The following COL13A1 variants were observed in gnomAD, a reference collection of about 807,000 sequenced individuals.
The protein encoded by COL13A1 is collagen type XIII alpha 1 chain.
In COL13A1, 89 loss-of-function variants were observed where a neutral mutation model predicts 130.9. The ratio of observed to expected loss-of-function variants is 0.68; its 90% CI spans 0.57 to 0.81. The LOEUF (loss-of-function observed/expected upper bound fraction) is 0.81. Ranked by LOEUF, COL13A1 falls within the 30% of genes least tolerant of loss-of-function variation. COL13A1 has a pLI of 0.00. For synonymous variants in COL13A1, 402 were observed against 341.6 expected (o/e 1.18, Z -1.95); for missense variants, 879 against 934.6 (o/e 0.94, Z 0.78).
rs541744867 is a variant in COL13A1 at position 69,804,615 on chromosome 10, C to G, written c.294+1898C>G. 2.7e-5 allele frequency among the ~76,000 whole-genome samples: 4 copies of G among 150,440 alleles called. No homozygotes were observed. The East Asian group carries it at 7.9e-4, about 30-fold the overall frequency. ...GGACTAGAACCTCAGCCTCCTGGCCCTGTATACAATGTTCTTTGCGCTGTA... is the reference window on the plus strand; with the variant it reads ...GGACTAGAACCTCAGCCTCCTGGCCGTGTATACAATGTTCTTTGCGCTGTA... On this transcript the variant is annotated intron_variant, in intron 1 of 40. Transcript: ENST00000645393.
intron 33 of COL13A1, among the ~76,000 whole-genome samples, chr10:69,937,032 A>C (rs1048596977): frequency 2.6e-5 from 4 of 152,190 alleles, no homozygotes; most frequent in Non-Finnish European, 5.9e-5. Flanking sequence ...CCAATGGTTA[A>C]AATCCTTTTC....
chr10:69,884,562 G>C (rs1156616827), intron 7 of COL13A1, among the ~76,000 whole-genome samples: 1 of 152,142 alleles, frequency 6.6e-6, no homozygotes. Context: ...AGACATAGGG[G>C]TCTGCTTTCA....
intron 2 of COL13A1, among the ~76,000 whole-genome samples, chr10:69,840,163 AGGCTTCTT>A (rs1353203515): frequency 1.3e-5 from 2 of 152,130 alleles, no homozygotes; most frequent in African/African-American, 4.8e-5. Flanking sequence ...GCAGAGCTGA[AGGCTTCTT>A]GACTTGAGCT....
intron 24 of COL13A1, 80 bp from the exon 25 acceptor site, chr10:69,924,883 T>C: frequency 7.1e-7 from 1 of 1,406,496 alleles, no homozygotes. Flanking sequence ...TCCTGGCCCT[T>C]ATCACATGGC....
intron 2 of COL13A1, among the ~76,000 whole-genome samples, chr10:69,841,853 G>A (rs1430286519): frequency 6.6e-6 from 1 of 152,222 alleles, no homozygotes; most frequent in Non-Finnish European, 1.5e-5. Context: ...AGGAACTGAG[G>A]CAGGAGCAGT....
intron 1 of COL13A1, among the ~76,000 whole-genome samples, chr10:69,819,228 A>G (rs949627117): frequency 4.6e-5 from 7 of 152,244 alleles, no homozygotes; most frequent in African/African-American, 7.2e-5. Context: ...CCTGGATTAT[A>G]CAATGGGGCT....
chr10:69,958,482 C>CA (rs1205394380), intron 40 of COL13A1, among the ~76,000 whole-genome samples: 1 of 152,168 alleles, frequency 6.6e-6, no homozygotes, highest in Non-Finnish European at 1.5e-5. Context: ...CTAGTGACCA[C>CA]AAAGGGGATT....
At chr10:69,875,999 G>A (rs1434575509) in intron 5 of COL13A1, among the ~76,000 whole-genome samples, 1 of 152,240 alleles carries the variant, frequency 6.6e-6, no homozygotes, top group Non-Finnish European at 1.5e-5. Flanking sequence ...ATTGGCTGTA[G>A]GAGTGGGTGT....
intron 2 of COL13A1, among the ~76,000 whole-genome samples, chr10:69,848,946 G>A (rs1026090247): frequency 1.3e-5 from 2 of 152,116 alleles, no homozygotes; most frequent in Admixed American, 1.3e-4. Context: ...TGTCCCCATG[G>A]GATTTCCTGC....
intron 30 of COL13A1, chr10:69,931,056 C>T (rs916370659): frequency 2.5e-6 from 1 of 403,292 alleles, no homozygotes; most frequent in Non-Finnish European, 5.1e-6. Flanking sequence ...ATCCTAGACA[C>T]CTACCCTTGG....
At chr10:69,858,524 C>T (rs1218430925) in intron 2 of COL13A1, among the ~76,000 whole-genome samples, 1 of 152,180 alleles carries the variant, frequency 6.6e-6, no homozygotes, top group Non-Finnish European at 1.5e-5. Context: ...CCCATTCCTT[C>T]TAAGTAAAAG....
intron 2 of COL13A1, among the ~76,000 whole-genome samples, chr10:69,837,608 G>A (rs367861013): frequency 9.2e-5 from 14 of 152,170 alleles, no homozygotes; most frequent in East Asian, 7.7e-4. Context: ...CCTCTTCTGC[G>A]CTTACCCTGG....
intron 2 of COL13A1, among the ~76,000 whole-genome samples, chr10:69,854,961 C>T (rs1346537023): frequency 6.6e-6 from 1 of 152,124 alleles, no homozygotes; most frequent in Non-Finnish European, 1.5e-5. Flanking sequence ...TCCCCGTTCT[C>T]CAGGCTGTGT....
chr10:69,807,449 T>C (rs1474680145), intron 1 of COL13A1, among the ~76,000 whole-genome samples: 1 of 152,214 alleles, frequency 6.6e-6, no homozygotes, highest in Non-Finnish European at 1.5e-5. Flanking sequence ...ACATGTCTCA[T>C]GTTTATACGG....
chr10:69,922,303 G>T (rs1395243352), intron 22 of COL13A1, among the ~76,000 whole-genome samples: 1 of 152,130 alleles, frequency 6.6e-6, no homozygotes, highest in Non-Finnish European at 1.5e-5. Flanking sequence ...CCCTTGGAAA[G>T]TCACAGTGCT....
chr10:69,899,711 C>T (rs2062001542), intron 14 of COL13A1, among the ~76,000 whole-genome samples: 2 of 152,246 alleles, frequency 1.3e-5, no homozygotes, highest in South Asian at 4.1e-4. Context: ...ACAAAGCCAT[C>T]TGGCCTCTGC....
intron 26 of COL13A1, among the ~76,000 whole-genome samples, chr10:69,926,571 G>T (rs1003361091): frequency 2.0e-5 from 3 of 152,224 alleles, no homozygotes; most frequent in Non-Finnish European, 4.4e-5. Context: ...GTCCGTATGT[G>T]ACTCCATTTA....
intron 1 of COL13A1, among the ~76,000 whole-genome samples, chr10:69,821,992 G>A (rs1427372468): frequency 6.6e-6 from 1 of 152,188 alleles, no homozygotes; most frequent in Non-Finnish European, 1.5e-5. Flanking sequence ...CACTGTCCCT[G>A]CCCAGGGGTC....
intron 2 of COL13A1, among the ~76,000 whole-genome samples, chr10:69,855,417 G>C (rs1044727464): frequency 1.3e-5 from 2 of 152,104 alleles, no homozygotes; most frequent in Non-Finnish European, 2.9e-5. Context: ...GGACAAAAAT[G>C]ATGTTTCACT....
Sources: gnomAD v4.1 joint callset for allele counts (sites outside exome capture counted in the v4.1 genomes callset) on GRCh38, gnomAD v4.1.1 for gene constraint, MANE v1.5 for transcripts, NCBI Gene and HGNC (gene_info 2026-07-23, HGNC 2026-07-21) for gene names.